Variants in MAPK10 observed in about 807,000 individuals in gnomAD.
MAPK10 encodes mitogen-activated protein kinase 10.
A neutral mutation model predicts 59.3 loss-of-function variants in MAPK10; 25 were observed. The ratio of observed to expected loss-of-function variants is 0.42; its 90% CI spans 0.31 to 0.59. The LOEUF (loss-of-function observed/expected upper bound fraction) is 0.59. MAPK10 is among the 20% of genes least tolerant of loss of function. The pLI, the probability that MAPK10 is intolerant of heterozygous loss-of-function variation, is 0.15. For synonymous variants in MAPK10, 190 were observed against 200.5 expected, an observed-to-expected ratio of 0.95 and a Z score of 0.44; for missense variants, 351 against 568.9, an observed-to-expected ratio of 0.62 and a Z score of 3.90.
chr4:86,049,268 T>C (rs993546206), intron 11 of MAPK10, among the ~76,000 whole-genome samples: 1 of 152,070 alleles, frequency 6.6e-6, no homozygotes, highest in Non-Finnish European at 1.5e-5. Context: ...TCAGGTATGT[T>C]GGGGAACAAA....
intron 5 of MAPK10, among the ~76,000 whole-genome samples, 164 bp from the exon 6 acceptor site, chr4:86,103,408 T>C (rs2055921456): frequency 6.6e-6 from 1 of 152,128 alleles, no homozygotes; most frequent in East Asian, 1.9e-4. Flanking sequence ...CAGAAAAGTA[T>C]GCTCAGAAAG....
intron 1 of MAPK10, among the ~76,000 whole-genome samples, chr4:86,446,021 T>A (rs1749990226): frequency 6.6e-6 from 1 of 152,306 alleles, no homozygotes; most frequent in South Asian, 2.1e-4. Flanking sequence ...TAACAGTTTG[T>A]TCAAAATAAT....
At chr4:86,240,104 T>C (rs151169279) in intron 2 of MAPK10, among the ~76,000 whole-genome samples, 89 of 152,376 alleles carry the variant, frequency 5.8e-4, no homozygotes, top group African/African-American at 2.0e-3. Flanking sequence ...TTTTATTATT[T>C]ATCCAGGAGT....
rs999529093 is a variant in MAPK10 at position 86,400,926 on chromosome 4, G to A, written c.-121-46282C>T. ...CCAAAAATACAAGAAGATTTTTATT[G>A]TGTGCTTACATAAACATGGAAAGTA... On this transcript the variant is annotated intron_variant, in intron 1 of 13. Coordinates refer to the MAPK10 transcript ENST00000361569. Among the ~76,000 whole-genome samples the A allele has an allele frequency of 2.0e-5, 3 of 152,020 alleles. No homozygotes were observed. In the South Asian group the frequency reaches 6.2e-4, roughly 32 times the overall value.
chr4:86,265,676 G>A (rs1402539878), intron 2 of MAPK10, among the ~76,000 whole-genome samples: 1 of 150,132 alleles, frequency 6.7e-6, no homozygotes, highest in Admixed American at 6.6e-5. Context: ...GGCAGTAAGA[G>A]AAGAGAAAGA....
chr4:86,553,689 C>A (rs1760034739), intron 1 of MAPK10, among the ~76,000 whole-genome samples: 1 of 152,040 alleles, frequency 6.6e-6, no homozygotes, highest in African/African-American at 2.4e-5. Flanking sequence ...GTACAGACAT[C>A]CAAGTCACCC....
chr4:86,105,591 C>T (rs2149081181), intron 5 of MAPK10, among the ~76,000 whole-genome samples: 1 of 152,222 alleles, frequency 6.6e-6, no homozygotes, highest in African/African-American at 2.4e-5. Context: ...TGATTCATTG[C>T]TTGTATCCAT....
intron 1 of MAPK10, among the ~76,000 whole-genome samples, chr4:86,415,093 C>T (rs1283673831): frequency 1.4e-5 from 2 of 147,298 alleles, no homozygotes; most frequent in African/African-American, 5.0e-5. Context: ...GAGCTATGAT[C>T]GTACCACTGC....
At chr4:86,029,816 T>C (rs939901998) in intron 12 of MAPK10, among the ~76,000 whole-genome samples, 5 of 152,068 alleles carry the variant, frequency 3.3e-5, no homozygotes, top group Non-Finnish European at 7.4e-5. Context: ...ACTGCATCTT[T>C]TTTTTTTTCC....
chr4:86,563,916 C>A (rs1277100741), intron 1 of MAPK10, among the ~76,000 whole-genome samples: 1 of 152,212 alleles, frequency 6.6e-6, no homozygotes. Context: ...ACTGCCACCT[C>A]CACCTTCCGT....
chr4:86,020,403 C>T (rs1193826614), intron 13 of MAPK10: 1 of 152,214 alleles, frequency 6.6e-6, no homozygotes, highest in Non-Finnish European at 1.5e-5. Flanking sequence ...AACATTCATG[C>T]ACGAGTTTTG....
At chr4:86,336,889 C>T (rs776303360) in intron 2 of MAPK10, among the ~76,000 whole-genome samples, 8 of 146,026 alleles carry the variant, frequency 5.5e-5, no homozygotes, top group Non-Finnish European at 5.9e-5. Context: ...CTCCCAGGTT[C>T]ACACCATTCT....
intron 2 of MAPK10, among the ~76,000 whole-genome samples, chr4:86,302,772 C>T (rs2095493858): frequency 6.6e-6 from 1 of 152,146 alleles, no homozygotes; most frequent in Non-Finnish European, 1.5e-5. Context: ...ATTCTAATGA[C>T]TGCCTATTTT....
intron 3 of MAPK10, among the ~76,000 whole-genome samples, chr4:86,172,804 C>T (rs2074642458): frequency 6.7e-6 from 1 of 149,620 alleles, no homozygotes; most frequent in Admixed American, 6.6e-5. Flanking sequence ...AAGTTACAAG[C>T]ATTCCTATAC....
intron 2 of MAPK10, among the ~76,000 whole-genome samples, chr4:86,347,661 T>C (rs1383472727): frequency 1.3e-5 from 2 of 152,176 alleles, no homozygotes; most frequent in East Asian, 1.9e-4. Flanking sequence ...AAGATACAAA[T>C]AGATCCGGTG....
chr4:86,096,387 G>A (rs2054228820), intron 9 of MAPK10, among the ~76,000 whole-genome samples: 1 of 151,850 alleles, frequency 6.6e-6, no homozygotes, highest in African/African-American at 2.4e-5. Flanking sequence ...GTTAGATTGA[G>A]TTTAAAACTT....
At chr4:86,082,505 A>G (rs2050864120) in intron 9 of MAPK10, among the ~76,000 whole-genome samples, 2 of 152,206 alleles carry the variant, frequency 1.3e-5, no homozygotes, top group Non-Finnish European at 1.5e-5. Flanking sequence ...ATTAACATAT[A>G]TGTAGGAGTT....
intron 2 of MAPK10, among the ~76,000 whole-genome samples, chr4:86,256,790 G>A (rs1450294784): frequency 2.2e-5 from 3 of 137,528 alleles, no homozygotes; most frequent in Non-Finnish European, 4.5e-5. Flanking sequence ...GCCCAGGCTG[G>A]AGTACAGTGG....
chr4:86,122,825 C>T (rs963457218), intron 4 of MAPK10, among the ~76,000 whole-genome samples: 3 of 145,686 alleles, frequency 2.1e-5, no homozygotes, highest in African/African-American at 4.9e-5. Flanking sequence ...CATTTGTAAA[C>T]TCCTGATTTA....
Sources: allele counts gnomAD v4.1 joint callset (sites outside exome capture counted in the v4.1 genomes callset), GRCh38; gene constraint gnomAD v4.1.1; transcripts MANE v1.5; gene names NCBI Gene and HGNC (gene_info 2026-07-23, HGNC 2026-07-21).